Variants in TRDN observed in about 807,000 individuals in gnomAD.
TRDN encodes the protein triadin.
TRDN carries 161 observed loss-of-function variants against 149.7 expected under a neutral mutation model. That is an observed-to-expected ratio of 1.08 (90% CI 0.95 to 1.23). The LOEUF is 1.23. Ranked by LOEUF, TRDN falls within the 50% of genes most tolerant of loss-of-function variation. The pLI is 0.00. For missense variants in TRDN, 896 were observed against 823.5 expected, an observed-to-expected ratio of 1.09 and a Z score of -1.08; for synonymous variants, 294 against 250.5, an observed-to-expected ratio of 1.17 and a Z score of -1.64.
chr6:123,241,143 T>C (rs548675845), intron 38 of TRDN, among the ~76,000 whole-genome samples: 2 of 151,684 alleles, frequency 1.3e-5, no homozygotes, highest in African/African-American at 4.8e-5. Flanking sequence ...TTACTTCAAA[T>C]GGGAATGACA....
intron 24 of TRDN, among the ~76,000 whole-genome samples, chr6:123,308,338 GTTT>G (rs56246935): frequency 5.8e-5 from 8 of 137,212 alleles, no homozygotes; most frequent in Non-Finnish European, 3.2e-5. Context: ...GCACGTGTGT[GTTT>G]TTTTTTTTTT....
In TRDN at chr6:123,555,634, T is replaced by C. The variant is rs188202935; in HGVS notation, c.233-7022A>G. On this transcript the variant is annotated intron_variant, in intron 2 of 40. Transcript: ENST00000334268. ...TAAGCCACTTTTGTTGTAACCAAAA[T>C]AGTAATAATTTATAGTCCTAAAACC... Among the ~76,000 whole-genome samples the C allele has an allele frequency of 3.0e-3, 457 of 152,268 alleles. 2 individuals carry two copies. The highest frequency in any genetic ancestry group is 0.011 in the African/African-American group (437 of 41,578).
chr6:123,593,128 G>GC (rs1562413650), intron 1 of TRDN, among the ~76,000 whole-genome samples: 1 of 152,098 alleles, frequency 6.6e-6, no homozygotes, highest in Non-Finnish European at 1.5e-5. Context: ...TTTTGCTAAG[G>GC]CAGTTTTCAT....
At chr6:123,582,513 A>G (rs1335241621) in intron 1 of TRDN, among the ~76,000 whole-genome samples, 1 of 124,452 alleles carries the variant, frequency 8.0e-6, no homozygotes, top group African/African-American at 3.0e-5. Flanking sequence ...GTTCTCTGGC[A>G]GGCAGGAGTG....
At chr6:123,567,258 C>G (rs1998261) in intron 2 of TRDN, among the ~76,000 whole-genome samples, 121,497 of 152,160 alleles carry the variant, frequency 0.8, 48,779 homozygotes, top group East Asian at 0.92. Flanking sequence ...TGCCTATTTA[C>G]ATTAGACATT....
chr6:123,488,497 A>G (rs904237751), intron 9 of TRDN, among the ~76,000 whole-genome samples: 40 of 152,078 alleles, frequency 2.6e-4, no homozygotes, highest in Admixed American at 2.6e-3. Flanking sequence ...TTTAGTTTTT[A>G]CAGACCAACA....
At chr6:123,360,332 G>T (rs1023451793) in intron 20 of TRDN, among the ~76,000 whole-genome samples, 32 of 152,038 alleles carry the variant, frequency 2.1e-4, no homozygotes, top group African/African-American at 7.7e-4. Context: ...AAGTTCAGAG[G>T]ATTAATAATG....
At chr6:123,475,227 T>C (rs1414681451) in intron 9 of TRDN, among the ~76,000 whole-genome samples, 4 of 149,108 alleles carry the variant, frequency 2.7e-5, no homozygotes, top group Non-Finnish European at 6.0e-5. Context: ...AAAGGGGATA[T>C]CACCACCGAT....
chr6:123,278,322 C>A lies in TRDN; in HGVS notation c.1563G>T (p.Lys521Asn). ...PPQLQGKKEE[K>N]PEPQIKKEAK... ...GTATAAATAAAATATACATACCTGG[C>A]TTCTCTTCCTTTTTTCCTTGTAGTT... Residue 521 changes from lysine (K) to asparagine (N), a missense_variant, in exon 26 of 41, where the codon AAG (lysine) becomes AAT (asparagine). Lys to Asn is a moderately conservative substitution (Grantham distance 94). Transcript: ENST00000334268. 2 of 1,291,492 alleles carry A rather than the reference C, an allele frequency of 1.5e-6. No homozygotes were observed. Among genetic ancestry groups the A allele is most frequent in the Admixed American group, 2.8e-5 (1 of 35,566 alleles). 80.0% of individuals were successfully genotyped at this position (1,291,492 alleles called of 1,614,324 possible). A position where few individuals can be genotyped will look rare whatever the true frequency, so the allele number is the denominator to read the frequency against.
intron 2 of TRDN, among the ~76,000 whole-genome samples, chr6:123,564,852 T>C (rs1359734280): frequency 6.6e-6 from 1 of 152,210 alleles, no homozygotes; most frequent in Non-Finnish European, 1.5e-5. Context: ...GTGGAATGCT[T>C]GCAAAAATTA....
intron 24 of TRDN, among the ~76,000 whole-genome samples, chr6:123,307,817 C>A (rs1368974727): frequency 1.3e-5 from 2 of 151,774 alleles, no homozygotes; most frequent in African/African-American, 2.4e-5. Flanking sequence ...AGAAGTTGTT[C>A]TCGGTTCTTT....
intron 22 of TRDN, among the ~76,000 whole-genome samples, chr6:123,333,696 A>T (rs1335115511): frequency 1.3e-5 from 2 of 152,046 alleles, no homozygotes; most frequent in Non-Finnish European, 2.9e-5. Flanking sequence ...AAGTGAAGAG[A>T]TTATTACATG....
In TRDN at chr6:123,594,873, A is replaced by G. The variant is rs570801787; in HGVS notation, c.23-23741T>C. Reference sequence around the variant, plus strand: ...AAATTCTAAGTTGTGAAAGGATCAAACCCCATTCTCTAGCAAGAAGGCCTG... The same window carrying G: ...AAATTCTAAGTTGTGAAAGGATCAAGCCCCATTCTCTAGCAAGAAGGCCTG... On this transcript the variant is annotated intron_variant, in intron 1 of 40. Transcript: ENST00000334268. Among the ~76,000 whole-genome samples the G allele has an allele frequency of 3.9e-5, 6 of 152,064 alleles. No individual in the cohort carries two copies. The South Asian group carries it at 1.2e-3, about 32-fold the overall frequency.
intron 4 of TRDN, among the ~76,000 whole-genome samples, chr6:123,537,222 T>C (rs183464304): frequency 9.1e-4 from 139 of 152,316 alleles, no homozygotes; most frequent in Non-Finnish European, 1.7e-3. Flanking sequence ...TCTGCAGATT[T>C]AATATTATTA....
rs900414329 is a variant in TRDN at position 123,551,054 on chromosome 6, A to G, written c.233-2442T>C. Among the ~76,000 whole-genome samples the G allele has an allele frequency of 2.0e-5, 3 of 151,562 alleles. No individual in the cohort carries two copies. The East Asian group carries it at 5.8e-4, about 29-fold the overall frequency. On this transcript the variant is annotated intron_variant, in intron 2 of 40. Transcript: ENST00000334268. ...TTTATACCTAATGGAAAAATCTGCA[A>G]ATGAGATTTTTATGATGAGAATAGA... is the stretch of plus-strand genomic sequence containing the variant.
At chr6:123,566,007 T>C (rs1387634793) in intron 2 of TRDN, among the ~76,000 whole-genome samples, 1 of 152,228 alleles carries the variant, frequency 6.6e-6, no homozygotes, top group African/African-American at 2.4e-5. Flanking sequence ...CAGCCTTACA[T>C]AGATTAATCA....
intron 5 of TRDN, among the ~76,000 whole-genome samples, chr6:123,521,233 A>G (rs1184010858): frequency 6.6e-6 from 1 of 152,084 alleles, no homozygotes; most frequent in Non-Finnish European, 1.5e-5. Context: ...CCAAAAATAT[A>G]TGTTGAAGTC....
intron 23 of TRDN, among the ~76,000 whole-genome samples, chr6:123,330,317 A>G (rs964623946): frequency 6.6e-6 from 1 of 152,086 alleles, no homozygotes; most frequent in African/African-American, 2.4e-5. Flanking sequence ...AGATCATGTT[A>G]AAGAAACCTA....
intron 23 of TRDN, among the ~76,000 whole-genome samples, chr6:123,323,938 T>C (rs1779349786): frequency 6.6e-6 from 1 of 152,126 alleles, no homozygotes; most frequent in Admixed American, 6.6e-5. Flanking sequence ...TAATTGGAGG[T>C]GGCTGCATGC....
Sources: gnomAD v4.1 joint callset for allele counts (sites outside exome capture counted in the v4.1 genomes callset) on GRCh38, gnomAD v4.1.1 for gene constraint, MANE v1.5 for transcripts, NCBI Gene and HGNC (gene_info 2026-07-23, HGNC 2026-07-21) for gene names.